Variants in SESN2 observed in about 807,000 individuals in gnomAD.
The protein encoded by SESN2 is sestrin-2.
In SESN2, 42 loss-of-function variants were observed where a neutral mutation model predicts 56.0. The observed-to-expected ratio is 0.75, with a 90% CI of 0.59 to 0.97. The LOEUF (loss-of-function observed/expected upper bound fraction) is 0.97. Ranked by LOEUF, SESN2 falls within the 50% of genes least tolerant of loss-of-function variation. SESN2 has a pLI of 0.00. For synonymous variants in SESN2, 264 were observed against 267.1 expected, an observed-to-expected ratio of 0.99 and a Z score of 0.11; for missense variants, 507 against 649.4, an observed-to-expected ratio of 0.78 and a Z score of 2.38.
chr1:28,266,844 A>G (rs1368585863), intron 1 of SESN2, among the ~76,000 whole-genome samples: 1 of 152,038 alleles, frequency 6.6e-6, no homozygotes, highest in Non-Finnish European at 1.5e-5. Flanking sequence ...CTGCTGCGCC[A>G]GCCAAGGGCC....
chr1:28,272,431 C>T lies in SESN2; in HGVS notation c.502C>T (p.His168Tyr). 1 of 1,613,366 alleles carries T rather than the reference C, an allele frequency of 6.2e-7. No homozygotes were observed. Among genetic ancestry groups the T allele is most frequent in the Non-Finnish European group, 8.5e-7 (1 of 1,180,014 alleles). ...KLSEINKLLA[H>Y]RPWLITKEHI... ...CAGCGAGATCAACAAGTTGCTGGCG[C>T]ATCGGCCATGGCTCATCACCAAGGA... is the stretch of plus-strand genomic sequence containing the variant. The change falls in exon 4 of 10, where the codon CAT becomes TAT. Residue 168 changes from histidine (H) to tyrosine (Y), a missense_variant. By Grantham distance (83) the His-to-Tyr change is moderately conservative. Transcript: ENST00000253063.
chr1:28,265,794 G>T (rs191253359), intron 1 of SESN2, among the ~76,000 whole-genome samples: 1 of 151,902 alleles, frequency 6.6e-6, no homozygotes, highest in South Asian at 2.1e-4. Flanking sequence ...CCAAAGTACC[G>T]GGGTTACAGG....
intron 8 of SESN2, among the ~76,000 whole-genome samples, 160 bp from the exon 9 acceptor site, chr1:28,278,937 C>T (rs907728936): frequency 4.6e-5 from 7 of 152,204 alleles, no homozygotes; most frequent in African/African-American, 1.2e-4. Context: ...TGTGATAACA[C>T]GATATCAGCT....
chr1:28,268,704 G>A (rs1000341235), intron 1 of SESN2, among the ~76,000 whole-genome samples: 2 of 151,476 alleles, frequency 1.3e-5, no homozygotes, highest in South Asian at 2.1e-4. Flanking sequence ...GAGAAGGAAG[G>A]AAGGAAGGAA....
chr1:28,271,451 A>G lies in SESN2; in HGVS notation c.157-223A>G, dbSNP rs191247181. 8.2e-3 allele frequency among the ~76,000 whole-genome samples: 1,248 copies of G among 152,352 alleles called. 12 individuals are homozygous for G. The highest frequency in any genetic ancestry group is 0.027 in the South Asian group (129 of 4,826). On this transcript the variant is annotated intron_variant, in intron 2 of 9. Coordinates refer to ENST00000253063, the MANE Select transcript of SESN2 (RefSeq NM_031459.5). Reference sequence around the variant, plus strand: ...TATGCATTCTTGAACAGTGCTTGGCACATAGCATTGTATGTGTAAGTACTG... The same window carrying G: ...TATGCATTCTTGAACAGTGCTTGGCGCATAGCATTGTATGTGTAAGTACTG...
chr1:28,262,521 C>T (rs1205233536), intron 1 of SESN2, among the ~76,000 whole-genome samples: 1 of 144,192 alleles, frequency 6.9e-6, no homozygotes, highest in Admixed American at 7.2e-5. Flanking sequence ...ACTTCGAAGG[C>T]TGAGGTGGGA....
rs374941610 is a variant in SESN2 at position 28,268,721 on chromosome 1, G to A, written c.91-462G>A. On this transcript the variant is annotated intron_variant, in intron 1 of 9. Transcript: ENST00000253063. ...GAAGGAAGGAAGGAAGGAAGAAGGA[G>A]GAGGAGGAGGAAGAAAGGAAGGAAG... 2.0e-5 allele frequency among the ~76,000 whole-genome samples: 3 copies of A among 151,572 alleles called. No homozygotes were observed. The East Asian group carries it at 5.8e-4, about 29-fold the overall frequency.
intron 3 of SESN2, among the ~76,000 whole-genome samples, 191 bp from the exon 4 acceptor site, chr1:28,272,093 T>C (rs1040565473): frequency 6.6e-5 from 10 of 152,174 alleles, no homozygotes; most frequent in Admixed American, 3.3e-4. Flanking sequence ...TAGGTACAGA[T>C]TGGCAAACTG....
At chr1:28,273,225 A>G (rs1008663118) in intron 5 of SESN2, 133 bp from the exon 6 acceptor site, 9 of 795,234 alleles carry the variant, frequency 1.1e-5, no homozygotes, top group Admixed American at 6.0e-5. Context: ...GCTGTCCAGC[A>G]CAGTGGCTGG....
rs1232666783 is a variant in SESN2, at chr1:28,270,795, C to T, written c.157-879C>T. Among the ~76,000 whole-genome samples the T allele has an allele frequency of 5.3e-5, 8 of 152,270 alleles. No homozygotes were observed. In the South Asian group the frequency reaches 6.2e-4, roughly 12 times the overall value. On this transcript the variant is annotated intron_variant, in intron 2 of 9. Transcript: ENST00000253063. ...TGTTGGTCAGGCTGGTCTCAAACTC[C>T]GGACCTTAGGTGATCTGCCCATCTC...
At position 28,259,906 on chromosome 1, in the gene SESN2, C is replaced by T. The variant is rs1161037053; in HGVS notation, c.59C>T (p.Pro20Leu). 2.7e-6 allele frequency: 4 copies of T among 1,468,556 alleles called. No individual in the cohort carries two copies. The highest frequency in any genetic ancestry group is 2.7e-6 in the Non-Finnish European group (3 of 1,115,070). 91.0% of individuals were successfully genotyped at this position (1,468,556 alleles called of 1,614,324 possible). A position where few individuals can be genotyped will look rare whatever the true frequency, so the allele number is the denominator to read the frequency against. ...AELKDYLRFAPGGVGDSGPGE... is the reference protein window; with the variant it reads ...AELKDYLRFALGGVGDSGPGE... ...CTCAAGGACTACCTGCGGTTCGCCC[C>T]GGGCGGCGTCGGCGACTCGGGCCCC... The change falls in exon 1 of 10, where the codon CCG becomes CTG. Residue 20 changes from proline to leucine, a missense_variant. Coordinates refer to ENST00000253063, the MANE Select transcript of SESN2 (RefSeq NM_031459.5).
intron 1 of SESN2, among the ~76,000 whole-genome samples, chr1:28,268,804 C>T (rs750749672): frequency 6.6e-6 from 1 of 152,154 alleles, no homozygotes; most frequent in Non-Finnish European, 1.5e-5. Flanking sequence ...ATCTGGGGTA[C>T]TTGGTTACCT....
intron 8 of SESN2, among the ~76,000 whole-genome samples, chr1:28,278,284 C>T (rs1474348023): frequency 2.0e-5 from 3 of 152,108 alleles, no homozygotes; most frequent in Non-Finnish European, 4.4e-5. Context: ...AAAACCCATT[C>T]CTGTCCAGGC....
rs1648234218 is a variant in SESN2, at chr1:28,281,372, G to GT, written c.*576dup. 6.6e-6 allele frequency: 1 copy of GT among 152,024 alleles called. No individual in the cohort carries two copies. Among genetic ancestry groups the GT allele is most frequent in the Admixed American group, 6.6e-5 (1 of 15,248 alleles). 9.4% of individuals were successfully genotyped at this position (152,024 alleles called of 1,614,324 possible). ...AGGCTGTTGCCCGAATCCTAGTTCAGTTTTTTGACTTCCTTTGCCCTTTTT... is the reference window on the plus strand; with the variant it reads ...AGGCTGTTGCCCGAATCCTAGTTCAGTTTTTTTGACTTCCTTTGCCCTTTTT... On this transcript the variant is annotated 3_prime_UTR_variant, in exon 10 of 10. Coordinates refer to ENST00000253063, the MANE Select transcript of SESN2 (RefSeq NM_031459.5).
chr1:28,274,120 C>T lies in SESN2; in HGVS notation c.982C>T (p.Arg328Trp). Residue 328 changes from arginine (R) to tryptophan (W), a missense_variant, in exon 7 of 10, where the codon CGG (arginine) becomes TGG (tryptophan). By Grantham distance (101) the Arg-to-Trp change is moderately radical. Coordinates refer to ENST00000253063, the MANE Select transcript of SESN2 (RefSeq NM_031459.5). ...TACTTTCGGATATGAGGACTTCACTCGGAGAGGGGCTCAGGCACCCCCTAC... is the reference window on the plus strand; with the variant it reads ...TACTTTCGGATATGAGGACTTCACTTGGAGAGGGGCTCAGGCACCCCCTAC... ...DPTFGYEDFT[R>W]RGAQAPPTFR... 1.2e-6 allele frequency: 2 copies of T among 1,613,972 alleles called. No individual in the cohort carries two copies. Among genetic ancestry groups the T allele is most frequent in the Non-Finnish European group, 8.5e-7 (1 of 1,179,874 alleles).
Position 28,273,436 on chromosome 1 carries a change from G to C in SESN2, c.829G>C (p.Gly277Arg), listed in dbSNP as rs1647861998. Residue 277 changes from glycine to arginine, a missense_variant, in exon 6 of 10, where the codon GGG (glycine) becomes CGG (arginine). Physicochemically the swap from Gly to Arg is moderately radical, Grantham distance 125 (BLOSUM62 -2). Coordinates refer to ENST00000253063, the MANE Select transcript of SESN2 (RefSeq NM_031459.5). ...GCAGGAGAGCCTGCTGCGGGATGAG[G>C]GGACGTCCCAGGAGGAGATGGAGAG... ...QLQESLLRDE[G>R]TSQEEMESRF... 2 of 1,611,880 alleles carry C rather than the reference G, an allele frequency of 1.2e-6. No individual in the cohort carries two copies. Among genetic ancestry groups the C allele is most frequent in the Non-Finnish European group, 1.7e-6 (2 of 1,179,492 alleles).
chr1:28,275,160 G>A, intron 8 of SESN2, 145 bp downstream of exon 8: 3 of 600,378 alleles, frequency 5.0e-6, no homozygotes, highest in Non-Finnish European at 5.7e-6. Flanking sequence ...GATTTTAAAA[G>A]ATGACAGTAC....
intron 2 of SESN2, 151 bp downstream of exon 2, chr1:28,269,399 T>A: frequency 2.0e-6 from 1 of 511,500 alleles, no homozygotes. Flanking sequence ...AACGGCTTTG[T>A]GAAGCAGGCA....
At chr1:28,275,294 C>CAT (rs1375281087) in intron 8 of SESN2, among the ~76,000 whole-genome samples, 6 of 144,588 alleles carry the variant, frequency 4.1e-5, no homozygotes, top group African/African-American at 1.6e-4. Flanking sequence ...CATATACATG[C>CAT]ATACACACAC....
Sources: gnomAD v4.1 joint callset for allele counts (sites outside exome capture counted in the v4.1 genomes callset) on GRCh38, gnomAD v4.1.1 for gene constraint, MANE v1.5 for transcripts, NCBI Gene and HGNC (gene_info 2026-07-23, HGNC 2026-07-21) for gene names.